Variants in PPP2R2C observed in about 807,000 individuals in gnomAD.
PPP2R2C encodes protein phosphatase 2, regulatory subunit B, gamma.
Under a neutral mutation model 45.3 loss-of-function variants are expected in PPP2R2C, and 10 were observed. The observed-to-expected ratio is 0.22, with a 90% CI of 0.14 to 0.37. The LOEUF is 0.37. PPP2R2C is among the 10% of genes least tolerant of loss of function. The probability of loss-of-function intolerance (pLI) is 1.00; values close to 1 mark genes in which losing one functional copy is unlikely to be tolerated. For missense variants in PPP2R2C, 308 were observed against 619.7 expected (o/e 0.50, Z 5.34); for synonymous variants, 257 against 245.4 (o/e 1.05, Z -0.44).
intron 1 of PPP2R2C, among the ~76,000 whole-genome samples, chr4:6,441,324 C>G (rs1720140521): frequency 1.3e-5 from 2 of 152,158 alleles, no homozygotes; most frequent in African/African-American, 2.4e-5. Flanking sequence ...CCTTCTAAAC[C>G]CAACTCTGGT....
chr4:6,440,815 A>G lies in PPP2R2C; in HGVS notation c.70+31345T>C, dbSNP rs1720116016. ...CTGCTAGGCTGGGTTCTCCAGAAGC[A>G]GACCCTGAGGCCAACATTTTTCTGG... is the stretch of plus-strand genomic sequence containing the variant. On this transcript the variant is annotated intron_variant, in intron 1 of 8. Coordinates refer to ENST00000382599, the MANE Select transcript of PPP2R2C (RefSeq NM_020416.4). 2.0e-5 allele frequency among the ~76,000 whole-genome samples: 3 copies of G among 152,214 alleles called. No homozygotes were observed. In the South Asian group the frequency reaches 6.2e-4, roughly 32 times the overall value.
chr4:6,537,796 T>G (rs189960658), intron 1 of PPP2R2C, among the ~76,000 whole-genome samples: 4 of 152,244 alleles, frequency 2.6e-5, no homozygotes, highest in Non-Finnish European at 4.4e-5. Flanking sequence ...GTGATCCACC[T>G]GCCTCGGCCT....
intron 2 of PPP2R2C, among the ~76,000 whole-genome samples, chr4:6,493,934 C>T (rs1361990398): frequency 1.3e-5 from 2 of 152,248 alleles, no homozygotes; most frequent in Non-Finnish European, 2.9e-5. Context: ...GCAAACCTTC[C>T]TGGCTGTTAG....
chr4:6,525,572 G>A (rs1449040143), intron 2 of PPP2R2C, among the ~76,000 whole-genome samples: 1 of 151,948 alleles, frequency 6.6e-6, no homozygotes, highest in Admixed American at 6.6e-5. Flanking sequence ...CCCCTCCTTC[G>A]CTAAATGCCA....
intron 1 of PPP2R2C, among the ~76,000 whole-genome samples, chr4:6,416,277 C>G (rs1204449143): frequency 6.6e-6 from 1 of 152,202 alleles, no homozygotes; most frequent in Non-Finnish European, 1.5e-5. Context: ...GTGTGGTTTT[C>G]CCCATTTTAC....
At chr4:6,362,006 G>A (rs73076961) in intron 5 of PPP2R2C, among the ~76,000 whole-genome samples, 3,186 of 152,208 alleles carry the variant, frequency 0.021, 114 homozygotes, top group African/African-American at 0.072. Context: ...AGAGCTAGTG[G>A]GTGGGAAAAT....
intron 1 of PPP2R2C, among the ~76,000 whole-genome samples, chr4:6,537,637 G>T (rs761965508): frequency 2.0e-5 from 3 of 147,594 alleles, no homozygotes; most frequent in African/African-American, 7.6e-5. Flanking sequence ...TGTAAGCTCC[G>T]CCTCCCAGGT....
chr4:6,474,944 C>G (rs1192720077), upstream of PPP2R2C, among the ~76,000 whole-genome samples: 1 of 152,160 alleles, frequency 6.6e-6, no homozygotes, highest in Non-Finnish European at 1.5e-5. Context: ...GATCCTGCCA[C>G]CCCCAGCCTC....
chr4:6,363,002 A>G (rs1341828897), intron 5 of PPP2R2C, among the ~76,000 whole-genome samples: 1 of 152,180 alleles, frequency 6.6e-6, no homozygotes, highest in Non-Finnish European at 1.5e-5. Flanking sequence ...GGATTCAACC[A>G]GTTAACATCG....
chr4:6,385,106 C>T (rs759428004), intron 1 of PPP2R2C, among the ~76,000 whole-genome samples: 1 of 152,188 alleles, frequency 6.6e-6, no homozygotes, highest in Non-Finnish European at 1.5e-5. Flanking sequence ...GTCACCTGTG[C>T]TCCTGGCTGC....
intron 5 of PPP2R2C, among the ~76,000 whole-genome samples, chr4:6,361,716 C>T (rs879316043): frequency 2.4e-4 from 37 of 152,194 alleles, no homozygotes; most frequent in African/African-American, 8.2e-4. Flanking sequence ...AATGGCATGC[C>T]TTGGTTTCCA....
chr4:6,493,866 G>A (rs1230442182), intron 2 of PPP2R2C, among the ~76,000 whole-genome samples: 1 of 152,078 alleles, frequency 6.6e-6, no homozygotes, highest in African/African-American at 2.4e-5. Context: ...ACACAGCCTC[G>A]GTGTATTCTG....
intron 5 of PPP2R2C, among the ~76,000 whole-genome samples, chr4:6,352,241 C>A (rs1712633589): frequency 6.6e-6 from 1 of 152,094 alleles, no homozygotes; most frequent in Admixed American, 6.5e-5. Context: ...CTCGGGGCCC[C>A]CGGCTGGGCG....
At chr4:6,473,454 A>G (rs567699939), upstream of PPP2R2C, among the ~76,000 whole-genome samples, 1 of 152,192 alleles carries the variant, frequency 6.6e-6, no homozygotes, top group East Asian at 1.9e-4. Context: ...AGTCCCCTGC[A>G]CGGGACACAA....
At chr4:6,347,698 G>C in intron 6 of PPP2R2C, 148 bp downstream of exon 6, 1 of 1,066,432 alleles carries the variant, frequency 9.4e-7, no homozygotes, top group South Asian at 1.7e-5. Context: ...AGCCAGCGCT[G>C]AAGCAGCAAT....
intron 6 of PPP2R2C, among the ~76,000 whole-genome samples, chr4:6,344,441 G>T (rs1444805016): frequency 3.3e-5 from 5 of 152,142 alleles, no homozygotes; most frequent in African/African-American, 1.2e-4. Flanking sequence ...ATATGTGACC[G>T]CTGCTTCTGC....
chr4:6,440,420 C>G (rs1282685990), intron 1 of PPP2R2C, among the ~76,000 whole-genome samples: 21 of 152,202 alleles, frequency 1.4e-4, no homozygotes, highest in Non-Finnish European at 8.8e-5. Flanking sequence ...TCAGAGTCCC[C>G]TGGGGCCAAC....
At chr4:6,499,349 C>G (rs1183912235) in intron 2 of PPP2R2C, among the ~76,000 whole-genome samples, 1 of 152,140 alleles carries the variant, frequency 6.6e-6, no homozygotes, top group African/African-American at 2.4e-5. Context: ...CAACCCTGCC[C>G]CCTTCAGCCT....
chr4:6,540,670 A>G (rs1391554685), intron 1 of PPP2R2C, among the ~76,000 whole-genome samples: 1 of 152,252 alleles, frequency 6.6e-6, no homozygotes, highest in East Asian at 1.9e-4. Flanking sequence ...CAAAGTGGCT[A>G]CACCATTTCA....
Sources: allele counts gnomAD v4.1 joint callset (sites outside exome capture counted in the v4.1 genomes callset), GRCh38; gene constraint gnomAD v4.1.1; transcripts MANE v1.5; gene names NCBI Gene and HGNC (gene_info 2026-07-23, HGNC 2026-07-21).